Variants in SGMS2 observed in about 807,000 individuals in gnomAD.
The protein encoded by SGMS2 is sphingomyelin synthase 2, also known as phosphatidylcholine:ceramide cholinephosphotransferase 2.
SGMS2 carries 21 observed loss-of-function variants against 43.8 expected under a neutral mutation model. The ratio of observed to expected loss-of-function variants is 0.48; its 90% CI spans 0.34 to 0.69. The LOEUF (loss-of-function observed/expected upper bound fraction) is 0.69, where lower values mean the gene tolerates loss of function less well. SGMS2 is among the 30% of genes least tolerant of loss of function. The pLI, the probability that SGMS2 is intolerant of heterozygous loss-of-function variation, is 0.01. For missense variants in SGMS2, 384 were observed against 443.2 expected, an observed-to-expected ratio of 0.87 and a Z score of 1.20; for synonymous variants, 167 against 160.6, an observed-to-expected ratio of 1.04 and a Z score of -0.30.
At chr4:107,903,139 CAACCTGGTGTCCTTTCT>C in intron 4 of SGMS2, 77 bp from the exon 5 acceptor site, 2 of 1,224,806 alleles carry the variant, frequency 1.6e-6, no homozygotes, top group Non-Finnish European at 2.4e-6. Context: ...AAAAAAATCA[CAACCTGGTGTCCTTTCT>C]AAGAGTCACA....
chr4:107,863,123 G>T (rs1395578183), intron 2 of SGMS2, among the ~76,000 whole-genome samples: 1 of 152,150 alleles, frequency 6.6e-6, no homozygotes, highest in Non-Finnish European at 1.5e-5. Flanking sequence ...CTCCCCAGAA[G>T]AACTCACCAG....
intron 1 of SGMS2, among the ~76,000 whole-genome samples, chr4:107,833,496 T>C (rs1335475572): frequency 6.6e-6 from 1 of 152,142 alleles, no homozygotes; most frequent in African/African-American, 2.4e-5. Flanking sequence ...ACACCATAAA[T>C]GAAAAATTCC....
At chr4:107,860,212 T>C (rs188266605) in intron 2 of SGMS2, among the ~76,000 whole-genome samples, 3 of 152,264 alleles carry the variant, frequency 2.0e-5, no homozygotes, top group Admixed American at 1.3e-4. Context: ...ATGTTTTTTT[T>C]CCTTACAATA....
At chr4:107,880,089 C>A (rs552244154) in intron 2 of SGMS2, among the ~76,000 whole-genome samples, 1 of 152,292 alleles carries the variant, frequency 6.6e-6, no homozygotes, top group Admixed American at 6.5e-5. Flanking sequence ...ATCAAAATAT[C>A]TGCCCTCTAC....
chr4:107,836,772 T>C (rs1347257384), intron 1 of SGMS2, among the ~76,000 whole-genome samples: 1 of 152,172 alleles, frequency 6.6e-6, no homozygotes, highest in Non-Finnish European at 1.5e-5. Flanking sequence ...GAGAAAACAT[T>C]ACTTGATATC....
chr4:107,896,207 T>C (rs1482824991), intron 3 of SGMS2, among the ~76,000 whole-genome samples, 199 bp downstream of exon 3: 1 of 152,188 alleles, frequency 6.6e-6, no homozygotes, highest in African/African-American at 2.4e-5. Flanking sequence ...AGCAACTGTG[T>C]ATGAAAGTGG....
At chr4:107,891,843 C>T (rs565267118) in intron 2 of SGMS2, among the ~76,000 whole-genome samples, 1 of 152,014 alleles carries the variant, frequency 6.6e-6, no homozygotes, top group South Asian at 2.1e-4. Context: ...TGTTTCTTTA[C>T]ACATGGTGAC....
At chr4:107,828,335 G>A (rs1725711664) in intron 1 of SGMS2, among the ~76,000 whole-genome samples, 1 of 152,160 alleles carries the variant, frequency 6.6e-6, no homozygotes, top group African/African-American at 2.4e-5. Context: ...CGGTGAGGTA[G>A]GTACTCTTAT....
At chr4:107,893,289 A>G (rs564663563) in intron 2 of SGMS2, 1 of 152,378 alleles carries the variant, frequency 6.6e-6, no homozygotes, top group Non-Finnish European at 1.5e-5. Context: ...GAGTTTCAAA[A>G]TCACAAGCTT....
Position 107,912,263 on chromosome 4 carries a change from T to A in SGMS2, c.*1710T>A, listed in dbSNP as rs1327348758. 6.6e-6 allele frequency: 1 copy of A among 152,174 alleles called. No homozygotes were observed. The highest frequency in any genetic ancestry group is 1.5e-5 in the Non-Finnish European group (1 of 68,030). The allele number at this position is 152,174 out of a possible 1,614,324, so 9.4% of individuals were successfully genotyped here. On this transcript the variant is annotated 3_prime_UTR_variant, in exon 7 of 7. Transcript: ENST00000690982. ...GGAAAGGTAGTTGAATTTAAAGTCA[T>A]GAAGCAAGACTCTTTAATTCAGTTA...
chr4:107,852,414 C>A (rs1447140717), intron 1 of SGMS2, among the ~76,000 whole-genome samples: 1 of 152,060 alleles, frequency 6.6e-6, no homozygotes, highest in Non-Finnish European at 1.5e-5. Flanking sequence ...TTTGTGTCAT[C>A]TTTTCTCTTT....
Position 107,860,429 on chromosome 4 carries a change from A to G in SGMS2, c.-245+1876A>G, listed in dbSNP as rs142526520. On this transcript the variant is annotated intron_variant, in intron 2 of 6. Transcript: ENST00000690982. The stretch of plus-strand genomic sequence containing the variant: ...ATGTAGGTTATTTTGCATGTAGACA[A>G]TATATCTATATAAACTTGTAAAGTA... Among the ~76,000 whole-genome samples the G allele has an allele frequency of 3.9e-3, 594 of 152,256 alleles. 3 individuals carry two copies. The highest frequency in any genetic ancestry group is 0.013 in the African/African-American group (560 of 41,542).
intron 2 of SGMS2, among the ~76,000 whole-genome samples, chr4:107,875,650 C>T (rs1728861756): frequency 6.6e-6 from 1 of 152,092 alleles, no homozygotes; most frequent in South Asian, 2.1e-4. Context: ...ATCTGTACCC[C>T]TGAACTTAAA....
chr4:107,906,224 C>G (rs766987347), intron 5 of SGMS2, among the ~76,000 whole-genome samples: 4 of 152,074 alleles, frequency 2.6e-5, no homozygotes, highest in Non-Finnish European at 5.9e-5. Flanking sequence ...GCCTTTTGAT[C>G]AGTTTGGGCT....
rs936740961 is a variant in SGMS2, at chr4:107,899,491, T to A, written c.456-84T>A. The stretch of plus-strand genomic sequence containing the variant: ...GCCATTCTGTACTGATTATTCTTTA[T>A]CCTGTTAAACATTGTTTTATTTTTC... On this transcript the variant is annotated intron_variant, in intron 3 of 6. Transcript: ENST00000690982. The A allele has an allele frequency of 5.5e-6, 5 of 912,112 alleles. No individual in the cohort carries two copies. In the African/African-American group the frequency reaches 8.3e-5, roughly 15 times the overall value. 56.5% of individuals were successfully genotyped at this position (912,112 alleles called of 1,614,324 possible).
intron 2 of SGMS2, among the ~76,000 whole-genome samples, chr4:107,886,073 A>T (rs1729726472): frequency 6.6e-6 from 1 of 152,190 alleles, no homozygotes; most frequent in South Asian, 2.1e-4. Context: ...CCTTTTAATA[A>T]TGCCAATAGA....
chr4:107,873,299 A>G (rs1385551827), intron 2 of SGMS2: 1 of 137,104 alleles, frequency 7.3e-6, no homozygotes, highest in Non-Finnish European at 1.7e-5. Flanking sequence ...TCAGCTTCAA[A>G]TAGGAAGTAA....
At chr4:107,833,268 G>A (rs570998983) in intron 1 of SGMS2, among the ~76,000 whole-genome samples, 2 of 152,298 alleles carry the variant, frequency 1.3e-5, no homozygotes, top group East Asian at 3.9e-4. Flanking sequence ...AATTAAAATA[G>A]TTAAAAATCT....
intron 5 of SGMS2, among the ~76,000 whole-genome samples, chr4:107,906,951 C>T (rs575812963): frequency 1.2e-4 from 18 of 152,084 alleles, no homozygotes; most frequent in African/African-American, 3.9e-4. Flanking sequence ...GGGTGGGAGG[C>T]GGGTAGGGTC....
Sources: gnomAD v4.1 joint callset for allele counts (sites outside exome capture counted in the v4.1 genomes callset) on GRCh38, gnomAD v4.1.1 for gene constraint, MANE v1.5 for transcripts, NCBI Gene and HGNC (gene_info 2026-07-23, HGNC 2026-07-21) for gene names.